CA13: variants seen among roughly 807,000 people sequenced by gnomAD.
CA13 encodes the protein CA-XIII.
A neutral mutation model predicts 31.5 loss-of-function variants in CA13; 21 were observed. The ratio of observed to expected loss-of-function variants is 0.67; its 90% CI spans 0.47 to 0.96. The LOEUF is 0.96. CA13 is among the 40% of genes least tolerant of loss of function. The probability of loss-of-function intolerance (pLI) is 0.00; values close to 1 mark genes in which losing one functional copy is unlikely to be tolerated. For synonymous variants in CA13, 117 were observed against 111.4 expected, an observed-to-expected ratio of 1.05 and a Z score of -0.32; for missense variants, 315 against 318.9, an observed-to-expected ratio of 0.99 and a Z score of 0.09.
At chr8:85,251,092 C>T (rs2129948010) in intron 2 of CA13, among the ~76,000 whole-genome samples, 155 bp downstream of exon 2, 1 of 150,994 alleles carries the variant, frequency 6.6e-6, no homozygotes, top group South Asian at 2.1e-4. Flanking sequence ...ACCTCCGCCT[C>T]CTAAGTTCAA....
chr8:85,246,332 G>T (rs1813730010), intron 1 of CA13: 2 of 455,854 alleles, frequency 4.4e-6, no homozygotes, highest in Non-Finnish European at 8.8e-6. Flanking sequence ...ATCTTAACTT[G>T]CATTGTGACA....
chr8:85,254,982 CGT>C (rs1377523066), intron 2 of CA13, among the ~76,000 whole-genome samples: 1 of 151,818 alleles, frequency 6.6e-6, no homozygotes, highest in Non-Finnish European at 1.5e-5. Flanking sequence ...TCTTGGAGGG[CGT>C]GTTTGGCTGG....
chr8:85,269,508 AAGAG>A (rs1260543537), intron 6 of CA13, among the ~76,000 whole-genome samples: 1 of 152,120 alleles, frequency 6.6e-6, no homozygotes, highest in Non-Finnish European at 1.5e-5. Flanking sequence ...AAGAAGAGGA[AAGAG>A]AGAGAAAGGG....
rs1462461488 is a variant in CA13, at chr8:85,283,422, T to C, written c.*2073T>C. The C allele has an allele frequency of 2.0e-5, 3 of 152,322 alleles. No homozygotes were observed. The allele number at this position is 152,322 out of a possible 1,614,324, so 9.4% of individuals were successfully genotyped here. On this transcript the variant is annotated 3_prime_UTR_variant, in exon 7 of 7. Transcript: ENST00000321764. ...AGATTGATCTGTAGCAATTATTTAA[T>C]GAATTGAATATTTAAAAAATTTTTT...
chr8:85,268,676 GCT>G, intron 6 of CA13, 49 bp downstream of exon 6: 6 of 1,355,410 alleles, frequency 4.4e-6, no homozygotes, highest in Admixed American at 2.7e-5. Context: ...AGGAAACTGG[GCT>G]TTTTTTTTTT....
At chr8:85,253,857 G>A (rs1210839041) in intron 2 of CA13, among the ~76,000 whole-genome samples, 1 of 152,090 alleles carries the variant, frequency 6.6e-6, no homozygotes, top group African/African-American at 2.4e-5. Flanking sequence ...TAATGTAATA[G>A]ATATATTGTA....
At chr8:85,266,300 C>T (rs1423041236) in intron 3 of CA13, among the ~76,000 whole-genome samples, 1 of 152,188 alleles carries the variant, frequency 6.6e-6, no homozygotes, top group African/African-American at 2.4e-5. Flanking sequence ...AAGTGATTCT[C>T]CTGCCTCAGC....
chr8:85,252,641 G>T (rs1361467675), intron 2 of CA13, among the ~76,000 whole-genome samples: 1 of 152,188 alleles, frequency 6.6e-6, no homozygotes, highest in Admixed American at 6.5e-5. Context: ...AAGTTTAAAT[G>T]TAAGATGAGA....
chr8:85,281,153 A>G, intron 6 of CA13, 77 bp from the exon 7 acceptor site: 2 of 1,527,768 alleles, frequency 1.3e-6, no homozygotes, highest in Non-Finnish European at 1.8e-6. Context: ...TTATAGATAT[A>G]TCTTCTTTAT....
intron 2 of CA13, among the ~76,000 whole-genome samples, chr8:85,257,996 T>C (rs1479924630): frequency 6.8e-6 from 1 of 147,988 alleles, no homozygotes; most frequent in Non-Finnish European, 1.5e-5. Context: ...AATATACTTA[T>C]ATTAAATATA....
chr8:85,245,793 A>T lies in CA13; in HGVS notation c.-36A>T, dbSNP rs1464193767. 6 of 1,611,922 alleles carry T rather than the reference A, an allele frequency of 3.7e-6. No homozygotes were observed. Among genetic ancestry groups the T allele is most frequent in the African/African-American group, 1.3e-5 (1 of 74,868 alleles). ...CGCTCCCTCCTCTTTCTCGCTGCTC[A>T]GTCACATCTTTCTCTTCCTTCCACC... On this transcript the variant is annotated 5_prime_UTR_variant, in exon 1 of 7. Coordinates refer to ENST00000321764, the MANE Select transcript of CA13 (RefSeq NM_198584.3).
At chr8:85,251,126 C>T (rs141188243) in intron 2 of CA13, among the ~76,000 whole-genome samples, 189 bp downstream of exon 2, 117 of 151,930 alleles carry the variant, frequency 7.7e-4, no homozygotes, top group African/African-American at 2.6e-3. Context: ...CTCAGCCTCC[C>T]GAGTAACTGG....
At chr8:85,249,380 A>G (rs1256938800) in intron 1 of CA13, among the ~76,000 whole-genome samples, 1 of 151,952 alleles carries the variant, frequency 6.6e-6, no homozygotes, top group Non-Finnish European at 1.5e-5. Context: ...CTGTACTCTT[A>G]GCTACTTGGG....
At chr8:85,249,738 G>A in intron 1 of CA13, 1 of 344,982 alleles carries the variant, frequency 2.9e-6, no homozygotes, top group Admixed American at 4.0e-5. Context: ...GGTGGTGATA[G>A]CTGTATAAAT....
In CA13 at chr8:85,279,637, G is replaced by A. The variant is rs534851354; in HGVS notation, c.670-1593G>A. On this transcript the variant is annotated intron_variant, in intron 6 of 6. Coordinates refer to ENST00000321764, the MANE Select transcript of CA13 (RefSeq NM_198584.3). ...CCAGAGGGGCAGGAGCTAGGGTTGT[G>A]GGAGAAAAATAAAGCCAACGTCTTC... Among the ~76,000 whole-genome samples, 7 of 152,248 alleles carry A rather than the reference G, an allele frequency of 4.6e-5. No individual in the cohort carries two copies. The East Asian group carries it at 1.4e-3, about 29-fold the overall frequency.
intron 1 of CA13, among the ~76,000 whole-genome samples, chr8:85,248,831 G>A (rs1563998639): frequency 6.6e-6 from 1 of 152,194 alleles, no homozygotes; most frequent in Non-Finnish European, 1.5e-5. Flanking sequence ...TTGGAAGAAT[G>A]TCACCTGCAT....
chr8:85,270,101 T>C (rs1807509316), intron 6 of CA13, among the ~76,000 whole-genome samples: 1 of 152,240 alleles, frequency 6.6e-6, no homozygotes, highest in African/African-American at 2.4e-5. Context: ...GGGTGGATGC[T>C]GTGTGTTCTT....
At chr8:85,253,431 AT>A (rs1011874529) in intron 2 of CA13, among the ~76,000 whole-genome samples, 1 of 151,296 alleles carries the variant, frequency 6.6e-6, no homozygotes, top group Non-Finnish European at 1.5e-5. Flanking sequence ...TGCCCAGCTA[AT>A]TTTTGTATTT....
At chr8:85,278,052 G>C (rs994001599) in intron 6 of CA13, among the ~76,000 whole-genome samples, 1 of 151,694 alleles carries the variant, frequency 6.6e-6, no homozygotes, top group Non-Finnish European at 1.5e-5. Context: ...CTTGAGGCCA[G>C]GAGTTCAAGA....
Sources: gnomAD v4.1 joint callset for allele counts (sites outside exome capture counted in the v4.1 genomes callset) on GRCh38, gnomAD v4.1.1 for gene constraint, MANE v1.5 for transcripts, NCBI Gene and HGNC (gene_info 2026-07-23, HGNC 2026-07-21) for gene names.